Variants in ACSBG1 observed in about 807,000 individuals in gnomAD.
ACSBG1 encodes the protein acyl-CoA synthetase bubblegum family member 1.
In ACSBG1, 39 loss-of-function variants were observed where a neutral mutation model predicts 80.2. The ratio of observed to expected loss-of-function variants is 0.49; its 90% CI spans 0.38 to 0.64. The LOEUF (loss-of-function observed/expected upper bound fraction) is 0.64, where lower values mean the gene tolerates loss of function less well. ACSBG1 is among the 30% of genes least tolerant of loss of function. ACSBG1 has a pLI of 0.00. For missense variants in ACSBG1, 828 were observed against 966.4 expected, an observed-to-expected ratio of 0.86 and a Z score of 1.90; for synonymous variants, 392 against 379.5, an observed-to-expected ratio of 1.03 and a Z score of -0.38.
At position 78,208,007 on chromosome 15, in the gene ACSBG1, G is replaced by A. The variant is rs912260380; in HGVS notation, c.227C>T (p.Ala76Val). The A allele has an allele frequency of 6.2e-7, 1 of 1,611,778 alleles. No individual in the cohort carries two copies. The highest frequency in any genetic ancestry group is 8.5e-7 in the Non-Finnish European group (1 of 1,178,386). The part of the protein sequence containing the change: ...PEKVNNAQWD[A>V]PEEALWTTRA... The stretch of plus-strand genomic sequence containing the variant: ...ACCACCCCCAGCTGGCTTACCTGGA[G>A]CATCCCACTGGGCATTATTCACCTT... The change falls in exon 2 of 14, where the codon GCT becomes GTT. Residue 76 changes from alanine (A) to valine (V), a missense_variant. Physicochemically the swap from Ala to Val is moderately conservative, Grantham distance 64 (BLOSUM62 0). Around this residue, in one of 3 missense-constraint regions of ACSBG1, gnomAD observed 356 missense variants for 363.5 expected, o/e 0.98. Coordinates refer to ENST00000258873, the MANE Select transcript of ACSBG1 (RefSeq NM_015162.5).
At chr15:78,213,589 T>A (rs1401479551) in intron 1 of ACSBG1, 1 of 152,570 alleles carries the variant, frequency 6.6e-6, no homozygotes, top group Non-Finnish European at 1.5e-5. Context: ...CGCCCCAGCC[T>A]GCCCTAGGGC....
chr15:78,200,427 G>A (rs1426080989), intron 2 of ACSBG1, among the ~76,000 whole-genome samples: 1 of 152,148 alleles, frequency 6.6e-6, no homozygotes, highest in Non-Finnish European at 1.5e-5. Flanking sequence ...AGCTGGAAGA[G>A]GAGATTCTGG....
intron 1 of ACSBG1, chr15:78,213,559 G>A (rs2075284522): frequency 6.5e-6 from 1 of 152,860 alleles, no homozygotes; most frequent in South Asian, 2.1e-4. Context: ...AGGCAGTGGG[G>A]TTGGGCATGA....
chr15:78,209,169 CCTT>C (rs888199111), intron 1 of ACSBG1: 1 of 456,028 alleles, frequency 2.2e-6, no homozygotes, highest in African/African-American at 2.0e-5. Flanking sequence ...CAGCCTCACT[CCTT>C]GTCGGCACTG....
intron 8 of ACSBG1, 35 bp downstream of exon 8, chr15:78,181,934 G>C: frequency 6.3e-7 from 1 of 1,598,992 alleles, no homozygotes; most frequent in Non-Finnish European, 8.5e-7. Flanking sequence ...CCTGGCACAC[G>C]GGCTCAGACG....
intron 1 of ACSBG1, chr15:78,213,403 C>T (rs1021404571): frequency 6.6e-6 from 1 of 152,338 alleles, no homozygotes. Context: ...AGAGGGTGTG[C>T]CTGGGGGTCT....
intron 2 of ACSBG1, among the ~76,000 whole-genome samples, chr15:78,204,481 T>A (rs767591675): frequency 6.6e-6 from 1 of 152,124 alleles, no homozygotes; most frequent in Non-Finnish European, 1.5e-5. Context: ...CATGGCAGGG[T>A]CCTAGGAGGG....
At chr15:78,223,813 G>A (rs962917892) in intron 1 of ACSBG1, among the ~76,000 whole-genome samples, 46 of 152,188 alleles carry the variant, frequency 3.0e-4, no homozygotes, top group African/African-American at 1.1e-3. Flanking sequence ...TATCCAGTTG[G>A]GCTCTAAATT....
intron 1 of ACSBG1, among the ~76,000 whole-genome samples, chr15:78,210,054 C>T (rs2075253709): frequency 1.3e-5 from 2 of 152,174 alleles, no homozygotes; most frequent in African/African-American, 4.8e-5. Context: ...TGATTAGAAC[C>T]TTCTGTTTAT....
intron 5 of ACSBG1, among the ~76,000 whole-genome samples, chr15:78,184,937 G>C (rs911775051): frequency 3.3e-5 from 5 of 152,136 alleles, no homozygotes; most frequent in African/African-American, 1.2e-4. Flanking sequence ...GAAACAGATG[G>C]GGTGAGCCTC....
intron 1 of ACSBG1, among the ~76,000 whole-genome samples, chr15:78,230,388 CCT>C (rs1294978323): frequency 6.6e-6 from 1 of 152,220 alleles, no homozygotes; most frequent in East Asian, 1.9e-4. Flanking sequence ...CTCAGCCTCC[CCT>C]TTCTTCCACC....
chr15:78,209,194 C>T, intron 1 of ACSBG1: 1 of 455,874 alleles, frequency 2.2e-6, no homozygotes, highest in Non-Finnish European at 4.4e-6. Context: ...AGGTTCCGAA[C>T]AAAACTAAGT....
chr15:78,190,748 T>C (rs1479499341), intron 5 of ACSBG1, among the ~76,000 whole-genome samples: 1 of 152,000 alleles, frequency 6.6e-6, no homozygotes, highest in Non-Finnish European at 1.5e-5. Flanking sequence ...AACTGGTATC[T>C]TGGAGAGTAC....
intron 1 of ACSBG1, among the ~76,000 whole-genome samples, chr15:78,223,422 T>C (rs778400084): frequency 2.0e-5 from 3 of 152,124 alleles, no homozygotes; most frequent in Non-Finnish European, 4.4e-5. Flanking sequence ...CCTGCACATG[T>C]ACCACAAAAC....
intron 5 of ACSBG1, 74 bp from the exon 6 acceptor site, chr15:78,182,859 G>A (rs2074963203): frequency 3.3e-6 from 5 of 1,534,458 alleles, no homozygotes; most frequent in Non-Finnish European, 3.6e-6. Context: ...CCATCTCCCT[G>A]TGTGAGTCGG....
At chr15:78,174,043 C>T (rs750610772) in intron 12 of ACSBG1, among the ~76,000 whole-genome samples, 4 of 152,258 alleles carry the variant, frequency 2.6e-5, no homozygotes, top group Admixed American at 6.5e-5. Context: ...TAGAAGAGCT[C>T]GGTCAGTGAC....
chr15:78,207,917 T>TCCCCCCCCCCCCCCCCCCCACCCCCACAC, intron 2 of ACSBG1, 85 bp downstream of exon 2: 1 of 876,066 alleles, frequency 1.1e-6, no homozygotes, highest in Non-Finnish European at 1.8e-6. Context: ...TGTGTGGTGG[T>TCCCCCCCCCCCCCCCCCCCACCCCCACAC]CCCCCACACC....
chr15:78,181,073 A>G, intron 8 of ACSBG1, 137 bp from the exon 9 acceptor site: 4 of 984,596 alleles, frequency 4.1e-6, no homozygotes, highest in Non-Finnish European at 4.4e-6. Context: ...CAAGGGTGGC[A>G]CATACTGTTT....
chr15:78,182,867 C>T (rs938093716), intron 5 of ACSBG1, 82 bp from the exon 6 acceptor site: 16 of 1,507,442 alleles, frequency 1.1e-5, no homozygotes, highest in Admixed American at 5.2e-5. Flanking sequence ...CTGTGTGAGT[C>T]GGCTTAGTAA....
Sources: gnomAD v4.1 joint callset for allele counts (sites outside exome capture counted in the v4.1 genomes callset) on GRCh38, gnomAD v4.1.1 for gene constraint, gnomAD v4.1.1 regional missense constraint, MANE v1.5 for transcripts, NCBI Gene and HGNC (gene_info 2026-07-23, HGNC 2026-07-21) for gene names.